FAM24B: variants seen among roughly 807,000 people sequenced by gnomAD.
The protein encoded by FAM24B is protein FAM24B.
Under a neutral mutation model 2.3 loss-of-function variants are expected in FAM24B, and 3 were observed. The ratio of observed to expected loss-of-function variants is 1.29; its 90% CI spans 0.59 to 3.32. The LOEUF (loss-of-function observed/expected upper bound fraction) is 3.32. Among genes scored for constraint, FAM24B ranks in the 30% most tolerant of loss-of-function variants. The pLI is 0.03. For missense variants in FAM24B, 98 were observed against 117.2 expected (o/e 0.84, Z 0.76); for synonymous variants, 36 against 46.3 (o/e 0.78, Z 0.90).
intron 1 of FAM24B, among the ~76,000 whole-genome samples, chr10:122,870,028 T>C (rs1308150760): frequency 2.0e-5 from 3 of 152,078 alleles, no homozygotes; most frequent in African/African-American, 7.2e-5. Context: ...ACAAAATTGA[T>C]AGACCGCTAG....
At chr10:122,865,580 T>C (rs550057407) in intron 1 of FAM24B, among the ~76,000 whole-genome samples, 4 of 152,340 alleles carry the variant, frequency 2.6e-5, no homozygotes, top group African/African-American at 9.6e-5. Context: ...TATGTTTCCA[T>C]TCTCCTAATG....
chr10:122,852,408 G>C (rs1364623636), intron 2 of FAM24B, among the ~76,000 whole-genome samples: 2 of 152,158 alleles, frequency 1.3e-5, no homozygotes, highest in Non-Finnish European at 2.9e-5. Flanking sequence ...ATTTTGTTTT[G>C]TTTTGTTTTG....
At chr10:122,860,123 A>G (rs1847704690) in intron 1 of FAM24B, among the ~76,000 whole-genome samples, 3 of 152,064 alleles carry the variant, frequency 2.0e-5, no homozygotes, top group African/African-American at 4.8e-5. Context: ...AGAATCAGGT[A>G]TTTGTCCACA....
intron 1 of FAM24B, among the ~76,000 whole-genome samples, chr10:122,862,871 T>C (rs1847747840): frequency 6.6e-6 from 1 of 152,064 alleles, no homozygotes. Flanking sequence ...AATGACTGTG[T>C]AAGAATCACC....
intron 1 of FAM24B, among the ~76,000 whole-genome samples, chr10:122,876,438 CA>C (rs1313427110): frequency 6.6e-6 from 1 of 152,212 alleles, no homozygotes; most frequent in Admixed American, 6.5e-5. Flanking sequence ...CCTCCTTCTG[CA>C]CAAAGCAGGA....
At chr10:122,853,509 C>T (rs1847577874) in intron 2 of FAM24B, among the ~76,000 whole-genome samples, 1 of 152,158 alleles carries the variant, frequency 6.6e-6, no homozygotes. Flanking sequence ...CCTTATAAAA[C>T]CTTCACTGAT....
At chr10:122,852,702 C>G (rs1359621123) in intron 2 of FAM24B, among the ~76,000 whole-genome samples, 1 of 152,172 alleles carries the variant, frequency 6.6e-6, no homozygotes, top group Non-Finnish European at 1.5e-5. Flanking sequence ...AGAGGTGAGT[C>G]TCTGCTCTTT....
chr10:122,857,282 A>G (rs1847655961), intron 1 of FAM24B, among the ~76,000 whole-genome samples: 1 of 152,148 alleles, frequency 6.6e-6, no homozygotes, highest in Admixed American at 6.5e-5. Flanking sequence ...GGTCCAGCCT[A>G]CCCTCTAGGG....
intron 1 of FAM24B, among the ~76,000 whole-genome samples, chr10:122,860,071 G>A (rs147548935): frequency 2.6e-5 from 4 of 151,838 alleles, no homozygotes; most frequent in African/African-American, 9.7e-5. Context: ...AGTAAAGTTC[G>A]CTCTTTGTGA....
At chr10:122,877,180 T>C (rs749778683) in intron 1 of FAM24B, among the ~76,000 whole-genome samples, 1 of 152,252 alleles carries the variant, frequency 6.6e-6, no homozygotes, top group African/African-American at 2.4e-5. Context: ...TGAGGTCACC[T>C]AGGCACCAGC....
At chr10:122,854,941 TG>T (rs1401680677) in intron 2 of FAM24B, among the ~76,000 whole-genome samples, 1 of 152,232 alleles carries the variant, frequency 6.6e-6, no homozygotes, top group East Asian at 1.9e-4. Context: ...AGAAGCATCC[TG>T]GATCCAAAAC....
intron 1 of FAM24B, among the ~76,000 whole-genome samples, chr10:122,867,007 C>A (rs1847813649): frequency 6.6e-6 from 1 of 152,126 alleles, no homozygotes; most frequent in Non-Finnish European, 1.5e-5. Flanking sequence ...ATGAAAAGTT[C>A]TCAAAGGAAA....
At chr10:122,851,837 T>C (rs1847543799) in intron 2 of FAM24B, among the ~76,000 whole-genome samples, 1 of 152,102 alleles carries the variant, frequency 6.6e-6, no homozygotes, top group African/African-American at 2.4e-5. Context: ...AAGGAATCCA[T>C]GTCCAAAAAA....
chr10:122,853,646 T>C (rs895825789), intron 2 of FAM24B, among the ~76,000 whole-genome samples: 2 of 152,170 alleles, frequency 1.3e-5, no homozygotes, highest in Non-Finnish European at 2.9e-5. Flanking sequence ...CCCAGCACTT[T>C]GGAAGGGTAG....
At chr10:122,860,457 A>G (rs909854273) in intron 1 of FAM24B, among the ~76,000 whole-genome samples, 1 of 152,216 alleles carries the variant, frequency 6.6e-6, no homozygotes, top group African/African-American at 2.4e-5. Flanking sequence ...TTTGACAATT[A>G]TAAAAAAGCT....
chr10:122,849,113 T>C lies in FAM24B; in HGVS notation c.*134A>G. On this transcript the variant is annotated 3_prime_UTR_variant, in exon 4 of 4. Transcript: ENST00000368898. ...AGAGGATTATTTTTAATAGTGTACA[T>C]TTATTCAAAAGTATATAAAACAACA... 1 of 581,590 alleles carries C rather than the reference T, an allele frequency of 1.7e-6. No homozygotes were observed. The highest frequency in any genetic ancestry group is 5.7e-5 in the South Asian group (1 of 17,422). 36.0% of individuals were successfully genotyped at this position (581,590 alleles called of 1,614,324 possible). A position where few individuals can be genotyped will look rare whatever the true frequency, so the allele number is the denominator to read the frequency against.
chr10:122,855,000 C>A (rs1847613248), intron 2 of FAM24B, among the ~76,000 whole-genome samples: 1 of 152,204 alleles, frequency 6.6e-6, no homozygotes, highest in Non-Finnish European at 1.5e-5. Flanking sequence ...CATCTCTGTG[C>A]CTCCTCCACA....
intron 1 of FAM24B, among the ~76,000 whole-genome samples, chr10:122,865,989 G>T (rs1847799172): frequency 6.6e-6 from 1 of 150,640 alleles, no homozygotes; most frequent in South Asian, 2.1e-4. Context: ...TGCAACCTCT[G>T]CCTCCCGGGT....
chr10:122,870,640 A>G (rs1205602336), intron 1 of FAM24B, among the ~76,000 whole-genome samples: 4 of 152,246 alleles, frequency 2.6e-5, no homozygotes, highest in Admixed American at 6.5e-5. Flanking sequence ...ACATATGCAA[A>G]TCAATAAACG....
Sources: gnomAD v4.1 joint callset for allele counts (sites outside exome capture counted in the v4.1 genomes callset) on GRCh38, gnomAD v4.1.1 for gene constraint, MANE v1.5 for transcripts, NCBI Gene and HGNC (gene_info 2026-07-23, HGNC 2026-07-21) for gene names.